Variants in RBFOX3 observed in about 807,000 individuals in gnomAD.
The protein encoded by RBFOX3 is RNA binding protein fox-1 homolog 3.
RBFOX3 carries 17 observed loss-of-function variants against 48.7 expected under a neutral mutation model. The observed-to-expected ratio is 0.35, with a 90% CI of 0.24 to 0.52. The LOEUF (loss-of-function observed/expected upper bound fraction) is 0.52, where lower values mean the gene tolerates loss of function less well. Among genes scored for constraint, RBFOX3 ranks in the 20% least tolerant of loss-of-function variants. RBFOX3 has a pLI of 0.94. For missense variants in RBFOX3, 382 were observed against 497.5 expected, an observed-to-expected ratio of 0.77 and a Z score of 2.21; for synonymous variants, 212 against 209.5, an observed-to-expected ratio of 1.01 and a Z score of -0.10.
chr17:79,607,521 C>A lies in RBFOX3; in HGVS notation c.-320+3305G>T, dbSNP rs971037279. Among the ~76,000 whole-genome samples, 8 of 152,288 alleles carry A rather than the reference C, an allele frequency of 5.3e-5. 1 individual carries two copies. The highest frequency in any genetic ancestry group is 3.3e-4 in the Admixed American group (5 of 15,298). Reference sequence around the variant, plus strand: ...TTCCTCTCTTTACTGCCCCCCACCCCCTACCACCACCACTCTGGCGCTTCT... The same window carrying A: ...TTCCTCTCTTTACTGCCCCCCACCCACTACCACCACCACTCTGGCGCTTCT... On this transcript the variant is annotated intron_variant, in intron 1 of 14. Coordinates refer to ENST00000693108, the MANE Select transcript of RBFOX3 (RefSeq NM_001350451.2).
At chr17:79,634,569 G>A in the RBFOX3 span, among the ~76,000 whole-genome samples, 3 of 152,102 alleles carry the variant, frequency 2.0e-5, no homozygotes, top group Non-Finnish European at 4.4e-5. Flanking sequence ...CTGCATGTCC[G>A]ACTCTGTCTA....
intron 1 of RBFOX3, among the ~76,000 whole-genome samples, chr17:79,606,846 C>T (rs2093842245): frequency 6.6e-6 from 1 of 152,148 alleles, no homozygotes; most frequent in Non-Finnish European, 1.5e-5. Context: ...GAGGCAATCA[C>T]ACACTAAGCA....
intron 1 of RBFOX3, among the ~76,000 whole-genome samples, chr17:79,499,983 G>T (rs1431397107): frequency 6.6e-6 from 1 of 152,230 alleles, no homozygotes; most frequent in African/African-American, 2.4e-5. Flanking sequence ...GCCTGCCGTG[G>T]GACTTGTTCA....
intron 2 of RBFOX3, among the ~76,000 whole-genome samples, chr17:79,345,761 C>T (rs988253508): frequency 1.3e-5 from 2 of 151,984 alleles, no homozygotes; most frequent in African/African-American, 4.8e-5. Flanking sequence ...CTAGTCTTTT[C>T]ACTTCTTAAA....
chr17:79,481,744 G>A lies in RBFOX3; in HGVS notation c.-175+710C>T, dbSNP rs4790047. 0.14 allele frequency among the ~76,000 whole-genome samples: 21,697 copies of A among 152,076 alleles called. 1,842 individuals carry two copies. The highest frequency in any genetic ancestry group is 0.42 in the East Asian group (2,182 of 5,152). ...CGAACTCAACCTGTGTGTATCATAC[G>A]ACTGTCATACAACTGTCATTTTTAG... On this transcript the variant is annotated intron_variant, in intron 2 of 14. Transcript: ENST00000693108. The surrounding 1 kb of genome is among the most constrained non-coding windows in gnomAD (Gnocchi z 5.4).
chr17:79,422,782 C>G (rs1017299406), intron 2 of RBFOX3, among the ~76,000 whole-genome samples: 1 of 152,148 alleles, frequency 6.6e-6, no homozygotes, highest in Non-Finnish European at 1.5e-5. Context: ...CCCTGTGTAG[C>G]TGCATTTGGA....
At chr17:79,176,806 G>C (rs1312256156) in intron 4 of RBFOX3, among the ~76,000 whole-genome samples, 4 of 152,060 alleles carry the variant, frequency 2.6e-5, no homozygotes, top group Non-Finnish European at 5.9e-5. Context: ...AGGGAGGGAA[G>C]AAAAAGGTGA....
At chr17:79,286,991 G>A (rs923857684) in intron 3 of RBFOX3, among the ~76,000 whole-genome samples, 1 of 152,240 alleles carries the variant, frequency 6.6e-6, no homozygotes, top group Non-Finnish European at 1.5e-5. Context: ...AAAGCAGCAT[G>A]AAGCCAGGCA....
At chr17:79,511,098 C>T (rs563769702) in intron 1 of RBFOX3, among the ~76,000 whole-genome samples, 25 of 152,294 alleles carry the variant, frequency 1.6e-4, no homozygotes, top group Non-Finnish European at 2.9e-4. Context: ...TCCTCATCCA[C>T]GCAGGGGCAC....
chr17:79,329,867 C>A (rs927076769), intron 2 of RBFOX3, among the ~76,000 whole-genome samples: 1 of 152,166 alleles, frequency 6.6e-6, no homozygotes, highest in African/African-American at 2.4e-5. Flanking sequence ...ACCAAGGGTC[C>A]CACGCAGAGT....
intron 2 of RBFOX3, among the ~76,000 whole-genome samples, chr17:79,424,613 C>A (rs982508454): frequency 6.6e-6 from 1 of 152,114 alleles, no homozygotes; most frequent in East Asian, 1.9e-4. Flanking sequence ...CCCCCTCCCC[C>A]ACCAGGCTTC....
At chr17:79,566,263 C>T (rs1013485172) in intron 1 of RBFOX3, among the ~76,000 whole-genome samples, 43 of 152,178 alleles carry the variant, frequency 2.8e-4, no homozygotes, top group African/African-American at 9.4e-4. Context: ...CCTCCCTTTG[C>T]GTAAGCACGT....
intron 4 of RBFOX3, among the ~76,000 whole-genome samples, chr17:79,148,686 G>T (rs1055454706): frequency 1.3e-5 from 2 of 152,260 alleles, no homozygotes; most frequent in African/African-American, 4.8e-5. Context: ...ACATGAGGCA[G>T]TTGCTTCCTG....
chr17:79,107,077 T>C (rs1241611812), intron 5 of RBFOX3, among the ~76,000 whole-genome samples: 1 of 152,198 alleles, frequency 6.6e-6, no homozygotes, highest in East Asian at 1.9e-4. Context: ...GCCTGCTCTG[T>C]TCCCCGCTCC....
intron 4 of RBFOX3, among the ~76,000 whole-genome samples, chr17:79,161,072 T>C (rs1047090322): frequency 6.6e-6 from 1 of 152,116 alleles, no homozygotes; most frequent in East Asian, 1.9e-4. Context: ...TATCTGGTTT[T>C]TGCCCACCAG....
intron 2 of RBFOX3, among the ~76,000 whole-genome samples, chr17:79,430,311 A>C: frequency 6.6e-6 from 1 of 152,088 alleles, no homozygotes; most frequent in East Asian, 1.9e-4. Context: ...TAAATAAAGC[A>C]GATAAGAAAA....
rs1042346683 is a variant in RBFOX3 at position 79,204,032 on chromosome 17, T to C, written c.-34+31734A>G. Among the ~76,000 whole-genome samples, 2 of 152,144 alleles carry C rather than the reference T, an allele frequency of 1.3e-5. No homozygotes were observed. The highest frequency in any genetic ancestry group is 4.8e-5 in the African/African-American group (2 of 41,420). On this transcript the variant is annotated intron_variant, in intron 4 of 14. Transcript: ENST00000693108. The surrounding 1 kb of genome is among the most constrained non-coding windows in gnomAD (Gnocchi z 4.5). ...GGGCTGGTGGAAGTGGCCCCTTCCATCTTTGCTAAGAGAAAGCAGACTTTT... is the reference window on the plus strand; with the variant it reads ...GGGCTGGTGGAAGTGGCCCCTTCCACCTTTGCTAAGAGAAAGCAGACTTTT...
chr17:79,137,111 C>T (rs1209236281), intron 4 of RBFOX3, among the ~76,000 whole-genome samples: 3 of 152,152 alleles, frequency 2.0e-5, no homozygotes, highest in Non-Finnish European at 4.4e-5. Context: ...TGAACCCCAG[C>T]GGGGTAGCCC....
At position 79,192,085 on chromosome 17, in the gene RBFOX3, G is replaced by A. The variant is rs187018272; in HGVS notation, c.-34+43681C>T. 2.9e-4 allele frequency among the ~76,000 whole-genome samples: 44 copies of A among 152,198 alleles called. No individual in the cohort carries two copies. In the East Asian group the frequency reaches 3.7e-3, roughly 13 times the overall value. The stretch of plus-strand genomic sequence containing the variant: ...CTGCCACCCCTGCCAACCCCCTACC[G>A]TCTCCTCCCTCTTGATCCTGGGAGG... On this transcript the variant is annotated intron_variant, in intron 4 of 14. Coordinates refer to ENST00000693108, the MANE Select transcript of RBFOX3 (RefSeq NM_001350451.2).
Sources: allele counts gnomAD v4.1 joint callset (sites outside exome capture counted in the v4.1 genomes callset), GRCh38; gene constraint gnomAD v4.1.1; non-coding constraint Gnocchi (gnomAD v3.1); transcripts MANE v1.5; gene names NCBI Gene and HGNC (gene_info 2026-07-23, HGNC 2026-07-21).